The following CADM2 variants were observed in gnomAD, a reference collection of about 807,000 sequenced individuals.
CADM2 encodes the protein cell adhesion molecule 2.
Under a neutral mutation model 49.8 loss-of-function variants are expected in CADM2, and 12 were observed. The observed-to-expected ratio is 0.24, with a 90% CI of 0.15 to 0.39. CADM2 has a LOEUF of 0.39. CADM2 is among the 10% of genes least tolerant of loss of function. The pLI is 1.00. For missense variants in CADM2, 378 were observed against 492.3 expected (o/e 0.77, Z 2.20); for synonymous variants, 214 against 175.4 (o/e 1.22, Z -1.74).
chr3:85,850,731 A>G (rs2075075507), intron 3 of CADM2, among the ~76,000 whole-genome samples: 1 of 152,154 alleles, frequency 6.6e-6, no homozygotes, highest in Non-Finnish European at 1.5e-5. Context: ...TCCTGTTTGC[A>G]TAAAGTTCTT....
At chr3:85,927,477 A>C (rs769141739) in intron 6 of CADM2, among the ~76,000 whole-genome samples, 32 of 152,190 alleles carry the variant, frequency 2.1e-4, no homozygotes, top group Non-Finnish European at 4.1e-4. Context: ...GAAACAATGG[A>C]TAGAAATGGG....
At chr3:85,482,997 A>G (rs1168973914) in intron 1 of CADM2, among the ~76,000 whole-genome samples, 1 of 151,632 alleles carries the variant, frequency 6.6e-6, no homozygotes, top group East Asian at 1.9e-4. Context: ...TAGAATCTGA[A>G]CACAAACATA....
At chr3:85,929,779 A>T (rs896217933) in intron 6 of CADM2, among the ~76,000 whole-genome samples, 1 of 152,064 alleles carries the variant, frequency 6.6e-6, no homozygotes, top group Non-Finnish European at 1.5e-5. Context: ...AACAAAGTAT[A>T]GTAGTTCTAA....
Position 86,067,408 on chromosome 3 carries a change from T to C in CADM2, c.*625T>C, listed in dbSNP as rs1739455233. 1 of 152,566 alleles carries C rather than the reference T, an allele frequency of 6.6e-6. No homozygotes were observed. 9.5% of individuals were successfully genotyped at this position (152,566 alleles called of 1,614,324 possible). A position where few individuals can be genotyped will look rare whatever the true frequency, so the allele number is the denominator to read the frequency against. On this transcript the variant is annotated 3_prime_UTR_variant, in exon 10 of 10. Coordinates refer to ENST00000383699, the MANE Select transcript of CADM2 (RefSeq NM_001167675.2). ...TTTGCTATTGAAATATAGTATTTGATACAGGAGCCATGTGTACGAATTGCA... is the reference window on the plus strand; with the variant it reads ...TTTGCTATTGAAATATAGTATTTGACACAGGAGCCATGTGTACGAATTGCA...
At chr3:85,465,204 T>G (rs1006717906) in intron 1 of CADM2, among the ~76,000 whole-genome samples, 2 of 151,992 alleles carry the variant, frequency 1.3e-5, no homozygotes, top group African/African-American at 4.8e-5. Context: ...AAAAACATAC[T>G]TTTGTGTGCG....
chr3:85,831,187 G>A (rs1237029533), intron 3 of CADM2, among the ~76,000 whole-genome samples: 2 of 151,854 alleles, frequency 1.3e-5, no homozygotes, highest in African/African-American at 4.8e-5. Flanking sequence ...CTTTATGGTT[G>A]TTTATCATTC....
chr3:85,316,164 A>C (rs59880141), intron 1 of CADM2, among the ~76,000 whole-genome samples: 31,730 of 152,154 alleles, frequency 0.21, 5,074 homozygotes, highest in African/African-American at 0.45. Context: ...TCTCTCTGGA[A>C]GTCAGTTTCA....
In CADM2 at chr3:85,883,286, T is replaced by C. The variant is rs751868935; in HGVS notation, c.239-5T>C. On this transcript the variant is annotated splice_polypyrimidine_tract_variant and splice_region_variant and intron_variant, in intron 3 of 9. Transcript: ENST00000383699. ...ATTTACATTTTCAATATTTTCTCTT[T>C]CCAGCTTTAAGGGACAATAGGATCG... 5 of 1,602,220 alleles carry C rather than the reference T, an allele frequency of 3.1e-6. No individual in the cohort carries two copies. The highest frequency in any genetic ancestry group is 2.2e-5 in the East Asian group (1 of 44,698).
chr3:85,651,822 CT>C (rs201326377), intron 1 of CADM2, among the ~76,000 whole-genome samples: 420 of 140,422 alleles, frequency 3.0e-3, no homozygotes, highest in Middle Eastern at 0.015. Flanking sequence ...TTGTTTTTTT[CT>C]TTTTTTTTTT....
chr3:85,258,854 A>G (rs952228151), intron 1 of CADM2, among the ~76,000 whole-genome samples: 1 of 152,124 alleles, frequency 6.6e-6, no homozygotes, highest in African/African-American at 2.4e-5. Context: ...AGTTTTCTCC[A>G]GACTTTATTA....
intron 1 of CADM2, among the ~76,000 whole-genome samples, chr3:85,216,268 TTATC>T (rs1267016060): frequency 3.4e-5 from 5 of 147,844 alleles, no homozygotes; most frequent in South Asian, 2.1e-4. Context: ...ATTTAATAGT[TTATC>T]TATTAAATAT....
Position 86,066,786 on chromosome 3 carries a change from T to C in CADM2, c.*3T>C. ...AGAAAAAAGAGTATTTCATTTAAGA[T>C]GCAGGCCAAGATTCTGAGTTTTACT... is the stretch of plus-strand genomic sequence containing the variant. On this transcript the variant is annotated 3_prime_UTR_variant, in exon 10 of 10. Transcript: ENST00000383699. 6.3e-7 allele frequency: 1 copy of C among 1,588,544 alleles called. No individual in the cohort carries two copies. The highest frequency in any genetic ancestry group is 8.6e-7 in the Non-Finnish European group (1 of 1,156,856).
chr3:85,709,471 G>C (rs2067049292), intron 1 of CADM2, among the ~76,000 whole-genome samples: 1 of 152,090 alleles, frequency 6.6e-6, no homozygotes, highest in Non-Finnish European at 1.5e-5. Context: ...GCAGTGCTTT[G>C]TTAATATGGC....
intron 1 of CADM2, among the ~76,000 whole-genome samples, chr3:85,022,660 T>C (rs528104391): frequency 3.9e-5 from 6 of 152,274 alleles, no homozygotes; most frequent in Non-Finnish European, 8.8e-5. Context: ...CACACATCAT[T>C]GACATTATTC....
At chr3:85,152,727 G>A (rs2039965343) in intron 1 of CADM2, among the ~76,000 whole-genome samples, 1 of 152,086 alleles carries the variant, frequency 6.6e-6, no homozygotes, top group African/African-American at 2.4e-5. Flanking sequence ...GGAGTCTGAG[G>A]CGGGTGGATC....
intron 1 of CADM2, among the ~76,000 whole-genome samples, chr3:85,450,433 A>T (rs974778092): frequency 6.6e-6 from 1 of 152,104 alleles, no homozygotes; most frequent in Non-Finnish European, 1.5e-5. Flanking sequence ...GGTTTTGAAC[A>T]ATTCATTTAG....
At chr3:85,142,649 G>A (rs770278664) in intron 1 of CADM2, among the ~76,000 whole-genome samples, 11 of 152,264 alleles carry the variant, frequency 7.2e-5, no homozygotes, top group Non-Finnish European at 2.9e-5. Context: ...GTTAAAGTGA[G>A]GATAAATTGC....
At chr3:85,805,149 A>T (rs956168173) in intron 3 of CADM2, among the ~76,000 whole-genome samples, 12 of 151,932 alleles carry the variant, frequency 7.9e-5, no homozygotes, top group Non-Finnish European at 1.3e-4. Context: ...TCACCATGTT[A>T]TCCAGGCTAG....
At chr3:85,741,513 C>CA (rs780559236) in intron 2 of CADM2, among the ~76,000 whole-genome samples, 28 of 152,116 alleles carry the variant, frequency 1.8e-4, no homozygotes, top group South Asian at 4.1e-4. Context: ...ACTAAAAATA[C>CA]AAAAATTAGC....
Sources: allele counts gnomAD v4.1 joint callset (sites outside exome capture counted in the v4.1 genomes callset), GRCh38; gene constraint gnomAD v4.1.1; transcripts MANE v1.5; gene names NCBI Gene and HGNC (gene_info 2026-07-23, HGNC 2026-07-21).